DLGAP2: variants seen among roughly 807,000 people sequenced by gnomAD.
DLGAP2 encodes disks large-associated protein 2.
DLGAP2 carries 26 observed loss-of-function variants against 100.3 expected under a neutral mutation model. That is an observed-to-expected ratio of 0.26 (90% CI 0.19 to 0.36). DLGAP2 has a LOEUF of 0.36. DLGAP2 is among the 10% of genes least tolerant of loss of function. The pLI is 1.00. For synonymous variants in DLGAP2, 886 were observed against 630.1 expected (o/e 1.41, Z -6.08); for missense variants, 1,858 against 1,453.2 (o/e 1.28, Z -4.53).
intron 3 of DLGAP2, among the ~76,000 whole-genome samples, chr8:1,265,643 C>A (rs149697474): frequency 6.2e-4 from 95 of 152,292 alleles, no homozygotes; most frequent in African/African-American, 2.1e-3. Context: ...ACAGACACTC[C>A]CATGCCTTCT....
At chr8:983,424 G>A (rs551215315) in intron 2 of DLGAP2, among the ~76,000 whole-genome samples, 3 of 151,884 alleles carry the variant, frequency 2.0e-5, no homozygotes, top group South Asian at 2.1e-4. Context: ...TAGAATCCAC[G>A]TGTTGGTGGA....
intron 2 of DLGAP2, among the ~76,000 whole-genome samples, chr8:1,149,592 ATTTAAGTTTTATTC>A (rs1178547634): frequency 6.6e-6 from 1 of 152,164 alleles, no homozygotes; most frequent in African/African-American, 2.4e-5. Flanking sequence ...ATATTCTAAT[ATTTAAGTTTTATTC>A]TTTAAGCATA....
chr8:794,265 G>A (rs1445565719), intron 1 of DLGAP2, among the ~76,000 whole-genome samples: 2 of 152,088 alleles, frequency 1.3e-5, no homozygotes, highest in Non-Finnish European at 2.9e-5. Flanking sequence ...GCTGTTTGCT[G>A]GCTGTTGAGA....
intron 8 of DLGAP2, among the ~76,000 whole-genome samples, chr8:1,651,949 A>G (rs9644257): frequency 0.53 from 80,699 of 152,080 alleles, 21,672 homozygotes; most frequent in South Asian, 0.61. Flanking sequence ...GAGCCTCGTC[A>G]GAGCCGGGCT....
chr8:1,438,568 G>A (rs540524940), intron 3 of DLGAP2, among the ~76,000 whole-genome samples: 6 of 152,158 alleles, frequency 3.9e-5, no homozygotes, highest in Non-Finnish European at 8.8e-5. Context: ...AAGAATGGCT[G>A]ATATCGAAAA....
chr8:1,420,930 C>G (rs1023302200), intron 3 of DLGAP2, among the ~76,000 whole-genome samples: 1 of 152,156 alleles, frequency 6.6e-6, no homozygotes, highest in Non-Finnish European at 1.5e-5. Flanking sequence ...GCATTTTAAT[C>G]ATTCGATTGG....
intron 2 of DLGAP2, among the ~76,000 whole-genome samples, chr8:1,128,064 C>A (rs576336579): frequency 1.3e-5 from 2 of 152,344 alleles, no homozygotes; most frequent in African/African-American, 4.8e-5. Context: ...CGGTTGTGCA[C>A]CATATCCCGG....
At chr8:1,227,063 C>G (rs1798430929) in intron 2 of DLGAP2, among the ~76,000 whole-genome samples, 1 of 147,302 alleles carries the variant, frequency 6.8e-6, no homozygotes, top group South Asian at 2.1e-4. Flanking sequence ...ACTCCCTGTT[C>G]ACCTGTTCAT....
intron 2 of DLGAP2, among the ~76,000 whole-genome samples, chr8:960,338 C>T (rs769553750): frequency 1.4e-5 from 2 of 147,668 alleles, no homozygotes; most frequent in South Asian, 2.2e-4. Flanking sequence ...TGGCTTCAAT[C>T]GATTCTCGTG....
At chr8:1,003,979 A>G (rs771313406) in intron 2 of DLGAP2, among the ~76,000 whole-genome samples, 1 of 152,150 alleles carries the variant, frequency 6.6e-6, no homozygotes, top group Non-Finnish European at 1.5e-5. Flanking sequence ...CCAGGAATAT[A>G]TTTATTTCAA....
intron 2 of DLGAP2, among the ~76,000 whole-genome samples, chr8:1,201,938 A>ATG (rs376888244): frequency 6.8e-6 from 1 of 146,966 alleles, no homozygotes; most frequent in African/African-American, 2.5e-5. Flanking sequence ...TCTGTGTGTG[A>ATG]TGTGTGTATG....
At chr8:1,380,188 TAC>T (rs1563116634) in intron 3 of DLGAP2, 4 of 152,028 alleles carry the variant, frequency 2.6e-5, no homozygotes, top group Non-Finnish European at 5.9e-5. Flanking sequence ...CTGAAAAGAG[TAC>T]TCGAATGTGC....
At chr8:841,735 C>G (rs376943648) in intron 1 of DLGAP2, among the ~76,000 whole-genome samples, 1 of 152,160 alleles carries the variant, frequency 6.6e-6, no homozygotes, top group Non-Finnish European at 1.5e-5. Flanking sequence ...TGCCGCCCCC[C>G]ACACCCGGCA....
chr8:1,293,078 G>C (rs11998062), intron 3 of DLGAP2, among the ~76,000 whole-genome samples: 121,128 of 152,122 alleles, frequency 0.8, 48,372 homozygotes, highest in African/African-American at 0.85. Context: ...TGACCCACAA[G>C]TGGGGGAGAA....
At chr8:1,698,353 T>C (rs1799459644) in intron 14 of DLGAP2, among the ~76,000 whole-genome samples, 2 of 151,204 alleles carry the variant, frequency 1.3e-5, no homozygotes, top group South Asian at 4.2e-4. Context: ...ACTAGGCAGG[T>C]CCACGTAAGC....
intron 3 of DLGAP2, among the ~76,000 whole-genome samples, chr8:1,262,210 T>A (rs567161979): frequency 6.6e-6 from 1 of 152,160 alleles, no homozygotes; most frequent in Non-Finnish European, 1.5e-5. Context: ...AATTCTACAG[T>A]TGGGGAATCT....
chr8:764,418 C>G (rs989283071), intron 1 of DLGAP2, among the ~76,000 whole-genome samples: 1 of 152,134 alleles, frequency 6.6e-6, no homozygotes, highest in Non-Finnish European at 1.5e-5. Context: ...TACATAAACG[C>G]CTATTATATA....
At chr8:1,595,738 CTCCCTTCT>C (rs138652846) in intron 6 of DLGAP2, among the ~76,000 whole-genome samples, 3,461 of 151,224 alleles carry the variant, frequency 0.023, 143 homozygotes, top group African/African-American at 0.08. Context: ...CACCCAGTTA[CTCCCTTCT>C]TCCCAAATTC....
rs142466069 is a variant in DLGAP2 at position 1,456,865 on chromosome 8, A to G, written c.107-44501A>G. Reference sequence around the variant, plus strand: ...CGTCAGCAGGCTGTGCACTGGTGAAATCGGTTTTGCCAGGGAGCTCTGTGA... The same window carrying G: ...CGTCAGCAGGCTGTGCACTGGTGAAGTCGGTTTTGCCAGGGAGCTCTGTGA... On this transcript the variant is annotated intron_variant, in intron 3 of 14. Transcript: ENST00000637795. 8.6e-3 allele frequency among the ~76,000 whole-genome samples: 587 copies of G among 67,944 alleles called. 3 individuals carry two copies. Among genetic ancestry groups the G allele is most frequent in the African/African-American group, 0.028 (547 of 19,352 alleles). The allele number at this position is 67,944 out of a possible 152,430, so 44.6% of individuals were successfully genotyped here.
Sources: gnomAD v4.1 joint callset for allele counts (sites outside exome capture counted in the v4.1 genomes callset) on GRCh38, gnomAD v4.1.1 for gene constraint, MANE v1.5 for transcripts, NCBI Gene and HGNC (gene_info 2026-07-23, HGNC 2026-07-21) for gene names.